The following PODNL1 variants were observed in gnomAD, a reference collection of about 807,000 sequenced individuals.
The protein encoded by PODNL1 is podocan-like protein 1.
A neutral mutation model predicts 45.1 loss-of-function variants in PODNL1; 50 were observed. That is an observed-to-expected ratio of 1.11 (90% CI 0.88 to 1.40). PODNL1 has a LOEUF of 1.40. PODNL1 is among the 40% of genes most tolerant of loss of function. The pLI, the probability that PODNL1 is intolerant of heterozygous loss-of-function variation, is 0.00. For synonymous variants in PODNL1, 406 were observed against 372.5 expected (o/e 1.09, Z -1.04); for missense variants, 788 against 793.3 (o/e 0.99, Z 0.08).
chr19:13,935,649 C>T, intron 5 of PODNL1, 72 bp downstream of exon 5: 1 of 1,193,736 alleles, frequency 8.4e-7, no homozygotes, highest in Non-Finnish European at 1.2e-6. Flanking sequence ...TTAACTCCCT[C>T]ATTGCTCCTA....
upstream of PODNL1, among the ~76,000 whole-genome samples, chr19:13,939,206 C>G (rs1396327784): frequency 6.6e-6 from 1 of 152,084 alleles, no homozygotes; most frequent in African/African-American, 2.4e-5. Flanking sequence ...ACAGGAGGAT[C>G]TCTCTTTTGT....
In PODNL1 at chr19:13,933,004, C is replaced by A; in HGVS notation, c.1219G>T (p.Asp407Tyr). The change falls in exon 8 of 10, where the codon GAC becomes TAC. Residue 407 changes from aspartate (D) to tyrosine (Y), a missense_variant. Around this residue, in one of 3 missense-constraint regions of PODNL1, gnomAD observed 762 missense variants for 750.9 expected, o/e 1.01. Transcript: ENST00000588872. The surrounding 1 kb of genome is among the most constrained non-coding windows in gnomAD (Gnocchi z 5.2). ...FRRLRALRSL[D>Y]LAGNQLTRLP... ...CGGGTTAGCTGATTCCCTGCCAGGT[C>A]GAGGCTGCGCAGGGCACGCAACCGG... 1 of 1,543,342 alleles carries A rather than the reference C, an allele frequency of 6.5e-7. No homozygotes were observed. Among genetic ancestry groups the A allele is most frequent in the African/African-American group, 1.4e-5 (1 of 73,528 alleles).
At position 13,931,985 on chromosome 19, in the gene PODNL1, CG is replaced by C; in HGVS notation, c.1552del (p.Arg518AlafsTer14). 8.1e-7 allele frequency: 1 copy of C among 1,232,340 alleles called. No individual in the cohort carries two copies. 76.3% of individuals were successfully genotyped at this position (1,232,340 alleles called of 1,614,324 possible). A position where few individuals can be genotyped will look rare whatever the true frequency, so the allele number is the denominator to read the frequency against. On this transcript the variant is annotated frameshift_variant, in exon 9 of 10. Coordinates refer to ENST00000588872, the MANE Select transcript of PODNL1 (RefSeq NM_001370095.3). LOFTEE classifies it low-confidence loss of function (END_TRUNC). ...GCACCTGAGGAAGAGGGCACGCAGG[CG>C]GGGTGTGCTGAGGAAGGCCTCGGGG... ...VGPEAFLSTP[R>X]LRALFLRANR...
At chr19:13,936,595 A>G (rs1195713313) in intron 2 of PODNL1, 135 bp from the exon 3 acceptor site, 1 of 659,792 alleles carries the variant, frequency 1.5e-6, no homozygotes, top group East Asian at 2.8e-5. Context: ...CAAACACCCC[A>G]TCACTCTGAC....
chr19:13,948,332 C>G (rs1972889157), intron 1 of PODNL1, among the ~76,000 whole-genome samples: 1 of 150,752 alleles, frequency 6.6e-6, no homozygotes, highest in Non-Finnish European at 1.5e-5. Flanking sequence ...TCCTGAGTAG[C>G]TGGGACTACA....
intron 8 of PODNL1, 135 bp downstream of exon 8, chr19:13,932,663 C>T (rs759109328): frequency 6.4e-7 from 1 of 1,556,772 alleles, no homozygotes; most frequent in Non-Finnish European, 8.7e-7. Flanking sequence ...GCCTCCTCAT[C>T]ACCTTCTAAC....
chr19:13,945,604 A>G (rs1972790110), intron 1 of PODNL1, among the ~76,000 whole-genome samples: 1 of 151,588 alleles, frequency 6.6e-6, no homozygotes, highest in South Asian at 2.1e-4. Flanking sequence ...CTCCTGCCTC[A>G]GCCTCCTGAG....
intron 1 of PODNL1, among the ~76,000 whole-genome samples, chr19:13,944,807 A>C (rs549725147): frequency 2.3e-5 from 3 of 132,656 alleles, no homozygotes; most frequent in African/African-American, 8.5e-5. Context: ...AGGGAGTCTC[A>C]CTCTGTCACC....
rs116331411 is a variant in PODNL1 at position 13,931,972 on chromosome 19, G to C, written c.1566C>G (p.Leu522=). ...AFLSTPRLRA[L]FLRANRLHMT... Reference sequence around the variant, plus strand: ...GGTCACCCTCGGGGCACCTGAGGAAGAGGGCACGCAGGCGGGGTGTGCTGA... The same window carrying C: ...GGTCACCCTCGGGGCACCTGAGGAACAGGGCACGCAGGCGGGGTGTGCTGA... The change falls in exon 9 of 10, where the codon CTC becomes CTG. Residue 522 remains leucine, a synonymous_variant. Transcript: ENST00000588872. The C allele has an allele frequency of 1.2e-4, 143 of 1,232,346 alleles. No homozygotes were observed. In the African/African-American group the frequency reaches 2.0e-3, roughly 17 times the overall value. 76.3% of individuals were successfully genotyped at this position (1,232,346 alleles called of 1,614,324 possible).
At chr19:13,948,594 C>G (rs1972901318) in intron 1 of PODNL1, among the ~76,000 whole-genome samples, 1 of 150,958 alleles carries the variant, frequency 6.6e-6, no homozygotes, top group Admixed American at 6.6e-5. Context: ...ATTCCTGCCC[C>G]CATCCTCATC....
chr19:13,935,878 C>T (rs1308912642), intron 4 of PODNL1, 48 bp from the exon 5 acceptor site: 1 of 1,555,104 alleles, frequency 6.4e-7, no homozygotes. Context: ...GCGCCTTGGC[C>T]CCACCACTTC....
intron 5 of PODNL1, among the ~76,000 whole-genome samples, chr19:13,935,345 G>C (rs1363751569): frequency 6.6e-6 from 1 of 152,122 alleles, no homozygotes; most frequent in African/African-American, 2.4e-5. Flanking sequence ...TTTTAATTTT[G>C]AGACAGAGTC....
chr19:13,946,745 G>C (rs549119959), intron 1 of PODNL1, among the ~76,000 whole-genome samples: 17 of 151,922 alleles, frequency 1.1e-4, no homozygotes, highest in Non-Finnish European at 2.5e-4. Context: ...TCCAAGTGAC[G>C]AACGATCAGA....
chr19:13,939,508 G>A (rs1972578422), upstream of PODNL1, among the ~76,000 whole-genome samples: 1 of 152,064 alleles, frequency 6.6e-6, no homozygotes, highest in Non-Finnish European at 1.5e-5. Context: ...CACCACATCT[G>A]GCTAGAAGGA....
upstream of PODNL1, among the ~76,000 whole-genome samples, chr19:13,942,590 C>T (rs760723806): frequency 1.3e-5 from 2 of 152,168 alleles, no homozygotes; most frequent in African/African-American, 2.4e-5. Flanking sequence ...CAGCAGGGGC[C>T]TCTGCAGGGA....
chr19:13,943,510 G>A (rs765377047), intron 1 of PODNL1, among the ~76,000 whole-genome samples: 1 of 151,852 alleles, frequency 6.6e-6, no homozygotes, highest in Non-Finnish European at 1.5e-5. Context: ...TGCTCAGGCT[G>A]GAGTGCAGTG....
At chr19:13,946,827 C>T (rs912083143) in intron 1 of PODNL1, among the ~76,000 whole-genome samples, 5 of 151,374 alleles carry the variant, frequency 3.3e-5, no homozygotes, top group African/African-American at 7.3e-5. Context: ...CCGAGGTGGG[C>T]GGATCACGAG....
chr19:13,935,918 G>C, intron 4 of PODNL1, 62 bp downstream of exon 4: 2 of 1,542,198 alleles, frequency 1.3e-6, no homozygotes, highest in South Asian at 1.2e-5. Context: ...CCACACCCTG[G>C]GCTGAGTGAC....
intron 1 of PODNL1, among the ~76,000 whole-genome samples, chr19:13,945,868 G>C (rs577596129): frequency 2.2e-5 from 3 of 139,414 alleles, no homozygotes; most frequent in Non-Finnish European, 4.6e-5. Context: ...CAGCCTGGGC[G>C]ACAGAGCGAG....
Sources: gnomAD v4.1 joint callset for allele counts (sites outside exome capture counted in the v4.1 genomes callset) on GRCh38, gnomAD v4.1.1 for gene constraint, gnomAD v4.1.1 regional missense constraint, Gnocchi (gnomAD v3.1) non-coding constraint, MANE v1.5 for transcripts, NCBI Gene and HGNC (gene_info 2026-07-23, HGNC 2026-07-21) for gene names.